The following PGK1 variants were observed in gnomAD, a reference collection of about 807,000 sequenced individuals.
PGK1 encodes phosphoglycerate kinase 1.
PGK1 carries 3 observed loss-of-function variants against 26.9 expected under a neutral mutation model. The ratio of observed to expected loss-of-function variants is 0.11; its 90% confidence interval spans 0.05 to 0.29. The LOEUF is 0.29. Ranked by LOEUF, PGK1 falls within the 10% of genes least tolerant of loss-of-function variation. The probability of loss-of-function intolerance (pLI) is 1.00; values close to 1 mark genes in which losing one functional copy is unlikely to be tolerated. For synonymous variants in PGK1, 125 were observed against 115.3 expected, an observed-to-expected ratio of 1.08 and a Z score of -0.54; for missense variants, 270 against 314.7, an observed-to-expected ratio of 0.86 and a Z score of 1.07.
chrX:78,123,641 G>A (rs782661407), intron 8 of PGK1, among the ~76,000 whole-genome samples: 3 of 102,566 alleles, frequency 2.9e-5, no homozygotes, highest in Non-Finnish European at 4.0e-5. Context: ...ACAGAGTCTC[G>A]CTGTGTCACC....
intron 4 of PGK1, among the ~76,000 whole-genome samples, chrX:78,114,647 T>G (rs868952196): frequency 9.0e-6 from 1 of 110,507 alleles, no homozygotes; most frequent in Non-Finnish European, 1.9e-5. Flanking sequence ...AGTGGTGCTG[T>G]TGGTCTTTAG....
intron 1 of PGK1, among the ~76,000 whole-genome samples, chrX:78,107,057 G>A (rs1382850270): frequency 9.0e-6 from 1 of 110,935 alleles, no homozygotes; most frequent in African/African-American, 3.3e-5. Context: ...AGTTTTTAAT[G>A]GAACTGGACC....
rs1028978079 is a variant in PGK1 at position 78,127,209 on chromosome X, G to A, written c.*1379G>A. ...TGGGAGGCAAAATCTCTAAGACTTT[G>A]TAAGTCTGAAAATGTCTTTATTCGA... On this transcript the variant is annotated 3_prime_UTR_variant, in exon 11 of 11. Transcript: ENST00000373316. The A allele has an allele frequency of 1.8e-5, 2 of 112,701 alleles. No homozygotes were observed. Among genetic ancestry groups the A allele is most frequent in the Non-Finnish European group, 3.7e-5 (2 of 53,359 alleles). 9.3% of individuals were successfully genotyped at this position (112,701 alleles called of 1,213,427 possible). A position where few individuals can be genotyped will look rare whatever the true frequency, so the allele number is the denominator to read the frequency against.
intron 2 of PGK1, among the ~76,000 whole-genome samples, chrX:78,113,384 C>T (rs1320495583): frequency 1.8e-5 from 2 of 111,890 alleles, no homozygotes; most frequent in African/African-American, 3.2e-5. Context: ...TTTGTATAGA[C>T]GGTCTAGGAA....
chrX:78,110,840 A>C (rs1467311508), intron 2 of PGK1, among the ~76,000 whole-genome samples: 3 of 110,938 alleles, frequency 2.7e-5, no homozygotes, highest in African/African-American at 9.8e-5. Context: ...CAGTCAGTTT[A>C]GCTGCTCCAG....
chrX:78,121,402 A>ATG (rs782769996), intron 6 of PGK1, among the ~76,000 whole-genome samples: 1,923 of 107,889 alleles, frequency 0.018, 24 homozygotes, highest in African/African-American at 0.045. Context: ...TTGTGTGTGT[A>ATG]TGTGTGTGTG....
chrX:78,107,301 C>T (rs945190874), intron 1 of PGK1, among the ~76,000 whole-genome samples: 1 of 110,645 alleles, frequency 9.0e-6, no homozygotes, highest in Non-Finnish European at 1.9e-5. Context: ...CATTTTATTA[C>T]GTGCGTAGAT....
Position 78,127,009 on chromosome X carries a change from GC to G in PGK1, c.*1182del, listed in dbSNP as rs1271685361. 1.8e-5 allele frequency: 2 copies of G among 112,662 alleles called. No individual in the cohort carries two copies. Among genetic ancestry groups the G allele is most frequent in the Non-Finnish European group, 3.8e-5 (2 of 53,284 alleles). The allele number at this position is 112,662 out of a possible 1,213,427, so 9.3% of individuals were successfully genotyped here. On this transcript the variant is annotated 3_prime_UTR_variant, in exon 11 of 11. Transcript: ENST00000373316. The stretch of plus-strand genomic sequence containing the variant: ...CTCCTTTATCCAATTTGTACTTGAT[GC>G]CCTCTAGGCAGGGTGTACAGCTAGC...
chrX:78,110,331 A>T (rs919892728), intron 2 of PGK1, among the ~76,000 whole-genome samples: 9 of 107,931 alleles, frequency 8.3e-5, no homozygotes, highest in Non-Finnish European at 1.2e-4. Flanking sequence ...TTAAAAAAAA[A>T]TTTTTTTTTG....
At chrX:78,117,938 A>G (rs2078334551) in intron 5 of PGK1, 113 bp from the exon 6 acceptor site, 4 of 774,837 alleles carry the variant, frequency 5.2e-6, no homozygotes, top group Non-Finnish European at 7.9e-6. Flanking sequence ...GATGAAAACC[A>G]TGATTTCTTG....
intron 4 of PGK1, among the ~76,000 whole-genome samples, chrX:78,115,405 C>T (rs1488096984): frequency 4.5e-5 from 5 of 111,172 alleles, no homozygotes; most frequent in Admixed American, 9.6e-5. Context: ...TGCCTGTAAT[C>T]CCAGCGCTTT....
At chrX:78,122,452 T>TGTGTGTGTGTGTGTGTGTGTGTG (rs2078360666) in intron 6 of PGK1, among the ~76,000 whole-genome samples, 1 of 93,499 alleles carries the variant, frequency 1.1e-5, no homozygotes, top group Non-Finnish European at 2.1e-5. Context: ...TGTGTGTGTG[T>TGTGTGTGTGTGTGTGTGTGTGTG]TGGGGAATGT....
chrX:78,122,409 T>TTG (rs201442984), intron 6 of PGK1, among the ~76,000 whole-genome samples: 8,820 of 88,739 alleles, frequency 0.099, 380 homozygotes, highest in Middle Eastern at 0.14. Flanking sequence ...TGCTCTGAAT[T>TTG]TGTGTGTGTG....
rs1173661376 is a variant in PGK1 at position 78,129,229 on chromosome X, C to CTA, written c.*3401_*3402dup. 1.9e-4 allele frequency: 20 copies of CTA among 106,168 alleles called. No homozygotes were observed. Among genetic ancestry groups the CTA allele is most frequent in the African/African-American group, 6.9e-4 (20 of 29,181 alleles). 8.7% of individuals were successfully genotyped at this position (106,168 alleles called of 1,213,427 possible). A position where few individuals can be genotyped will look rare whatever the true frequency, so the allele number is the denominator to read the frequency against. The stretch of plus-strand genomic sequence containing the variant: ...CATACCCATGTGTGTACCTATCTAT[C>CTA]TATCTATCTATCTATCTATCTATCT... On this transcript the variant is annotated 3_prime_UTR_variant, in exon 11 of 11. Transcript: ENST00000373316.
Position 78,117,386 on chromosome X carries a change from T to A in PGK1, c.492T>A (p.Asp164Glu). 8.4e-7 allele frequency: 1 copy of A among 1,192,785 alleles called. No homozygotes were observed. Among genetic ancestry groups the A allele is most frequent in the Non-Finnish European group, 1.1e-6 (1 of 877,896 alleles). Residue 164 changes from aspartate (D) to glutamate (E), a missense_variant, in exon 5 of 11, where the codon GAT becomes GAA. This residue lies in a region of PGK1 where 150 missense variants were observed against 154.6 expected (regional missense o/e 0.97). Transcript: ENST00000373316. ...AGCTAGGGGATGTCTATGTCAATGATGCTTTTGGCACTGCTCACAGAGCCC... is the reference window on the plus strand; with the variant it reads ...AGCTAGGGGATGTCTATGTCAATGAAGCTTTTGGCACTGCTCACAGAGCCC... ...LSKLGDVYVN[D>E]AFGTAHRAHS...
At chrX:78,106,433 C>A (rs782326308) in intron 1 of PGK1, 9 of 746,936 alleles carry the variant, frequency 1.2e-5, no homozygotes, top group Admixed American at 8.8e-5. Context: ...TAATGTATTT[C>A]TTTTGAACAG....
intron 5 of PGK1, 104 bp downstream of exon 5, chrX:78,117,519 T>C: frequency 1.8e-6 from 1 of 558,643 alleles, no homozygotes; most frequent in Non-Finnish European, 3.1e-6. Context: ...TATACTGTAA[T>C]CCTTTCAGCT....
intron 3 of PGK1, 25 bp downstream of exon 3, chrX:78,113,924 T>C: frequency 8.3e-7 from 1 of 1,210,123 alleles, no homozygotes; most frequent in South Asian, 1.8e-5. Context: ...CTGGTGCTGG[T>C]AGACTTTGTG....
chrX:78,125,247 A>C (rs1365250085), intron 9 of PGK1, 80 bp from the exon 10 acceptor site: 49 of 822,738 alleles, frequency 6.0e-5, no homozygotes, highest in Non-Finnish European at 8.6e-5. Flanking sequence ...GTTGGGGAGC[A>C]CACTGCCTTA....
Sources: allele counts gnomAD v4.1 joint callset (sites outside exome capture counted in the v4.1 genomes callset), GRCh38; gene constraint gnomAD v4.1.1; regional missense constraint gnomAD v4.1.1; transcripts MANE v1.5; gene names NCBI Gene and HGNC (gene_info 2026-07-23, HGNC 2026-07-21).